The following GABRA3 variants were observed in gnomAD, a reference collection of about 807,000 sequenced individuals.
GABRA3 encodes gamma-aminobutyric acid receptor subunit alpha-3.
In GABRA3, 10 loss-of-function variants were observed where a neutral mutation model predicts 30.1. The observed-to-expected ratio is 0.33, with a 90% CI of 0.20 to 0.56. The LOEUF (loss-of-function observed/expected upper bound fraction) is 0.56, where lower values mean the gene tolerates loss of function less well. Among genes scored for constraint, GABRA3 ranks in the 20% least tolerant of loss-of-function variants. The pLI is 0.89. For synonymous variants in GABRA3, 151 were observed against 146.8 expected, an observed-to-expected ratio of 1.03 and a Z score of -0.21; for missense variants, 233 against 392.0, an observed-to-expected ratio of 0.59 and a Z score of 3.42.
At chrX:152,402,133 T>C (rs1043119254) in intron 1 of GABRA3, among the ~76,000 whole-genome samples, 1 of 112,078 alleles carries the variant, frequency 8.9e-6, no homozygotes, top group African/African-American at 3.2e-5. Context: ...TATGTCCAAA[T>C]GAAGAAACAC....
chrX:152,301,945 G>A (rs931543687), intron 3 of GABRA3, among the ~76,000 whole-genome samples: 2 of 111,660 alleles, frequency 1.8e-5, no homozygotes, highest in South Asian at 7.6e-4. Flanking sequence ...ACTGGAAGTG[G>A]AATGATGTAA....
At chrX:152,217,937 T>C (rs1937759178) in intron 6 of GABRA3, among the ~76,000 whole-genome samples, 1 of 109,801 alleles carries the variant, frequency 9.1e-6, no homozygotes, top group Non-Finnish European at 1.9e-5. Context: ...TTTATTTTCT[T>C]TAATTTTTAA....
chrX:152,288,260 C>T (rs1193368117), intron 3 of GABRA3, among the ~76,000 whole-genome samples: 1 of 111,751 alleles, frequency 8.9e-6, no homozygotes, highest in Non-Finnish European at 1.9e-5. Context: ...GCTAAGAAAT[C>T]GGGCTGTCTT....
chrX:152,332,367 C>A (rs901874972), intron 3 of GABRA3, among the ~76,000 whole-genome samples: 1 of 111,637 alleles, frequency 9.0e-6, no homozygotes, highest in East Asian at 2.8e-4. Context: ...TCAAAAAAAG[C>A]TATGCTAAGA....
intron 4 of GABRA3, among the ~76,000 whole-genome samples, chrX:152,273,872 G>A (rs1264568249): frequency 9.0e-6 from 1 of 110,823 alleles, no homozygotes; most frequent in Non-Finnish European, 1.9e-5. Context: ...TGGTAAAGAT[G>A]GTAAAGTGTA....
At chrX:152,354,861 A>C (rs757534369) in intron 2 of GABRA3, among the ~76,000 whole-genome samples, 1 of 111,697 alleles carries the variant, frequency 9.0e-6, no homozygotes, top group Admixed American at 9.5e-5. Flanking sequence ...CTGAAATTTT[A>C]AGATTTGATG....
chrX:152,263,143 G>A (rs761872980), intron 4 of GABRA3, among the ~76,000 whole-genome samples: 3 of 110,499 alleles, frequency 2.7e-5, no homozygotes, highest in Non-Finnish European at 5.7e-5. Context: ...ACCTCCAACC[G>A]GGTCCCTTCT....
intron 7 of GABRA3, among the ~76,000 whole-genome samples, chrX:152,198,241 G>T (rs1937413767): frequency 8.9e-6 from 1 of 111,910 alleles, no homozygotes; most frequent in South Asian, 3.7e-4. Flanking sequence ...TACACAGCTA[G>T]TAATTAGTAA....
chrX:152,287,853 C>A (rs1410006860), intron 3 of GABRA3, among the ~76,000 whole-genome samples: 1 of 110,023 alleles, frequency 9.1e-6, no homozygotes, highest in Non-Finnish European at 1.9e-5. Flanking sequence ...TCTTACCTGC[C>A]AGACTCTTTC....
chrX:152,330,426 A>G (rs1940144665), intron 3 of GABRA3, among the ~76,000 whole-genome samples: 1 of 112,130 alleles, frequency 8.9e-6, no homozygotes, highest in Non-Finnish European at 1.9e-5. Context: ...ACTATTCACA[A>G]TAGCAAAGAC....
chrX:152,273,579 T>C (rs959628922), intron 4 of GABRA3, among the ~76,000 whole-genome samples: 1 of 112,493 alleles, frequency 8.9e-6, no homozygotes, highest in African/African-American at 3.2e-5. Context: ...AAATACGGTA[T>C]GTATATGTAA....
At chrX:152,246,576 G>A in intron 5 of GABRA3, among the ~76,000 whole-genome samples, 1 of 111,480 alleles carries the variant, frequency 9.0e-6, no homozygotes, top group East Asian at 2.8e-4. Context: ...TGAATGATGT[G>A]CCCTGTCTTT....
intron 7 of GABRA3, among the ~76,000 whole-genome samples, chrX:152,200,150 G>C (rs757048438): frequency 2.7e-5 from 3 of 111,914 alleles, no homozygotes; most frequent in South Asian, 3.7e-4. Context: ...AAGAGTAAAA[G>C]CCAGATTCCC....
chrX:152,302,508 C>A (rs1368803155), intron 3 of GABRA3, among the ~76,000 whole-genome samples: 1 of 110,661 alleles, frequency 9.0e-6, no homozygotes, highest in African/African-American at 3.3e-5. Flanking sequence ...GGGGATGGGA[C>A]CCAAATCTAA....
At chrX:152,248,856 G>C (rs1292201618) in intron 5 of GABRA3, among the ~76,000 whole-genome samples, 1 of 111,622 alleles carries the variant, frequency 9.0e-6, no homozygotes, top group Non-Finnish European at 1.9e-5. Flanking sequence ...AACTATGTGA[G>C]GTAATGCATT....
intron 1 of GABRA3, among the ~76,000 whole-genome samples, chrX:152,431,146 G>C (rs191402330): frequency 8.8e-4 from 98 of 111,675 alleles, no homozygotes; most frequent in African/African-American, 3.1e-3. Context: ...AATAATTTCA[G>C]ATTTCCTAGC....
In GABRA3 at chrX:152,212,339, T is replaced by G. The variant is rs748254992; in HGVS notation, c.635-4195A>C. On this transcript the variant is annotated intron_variant, in intron 6 of 9. Transcript: ENST00000370314. Reference sequence around the variant, plus strand: ...AAAAAAAAAAAAAAAAAATTCCAAATTGCCTACCCTAAGAACTAAGGGTTT... The same window carrying G: ...AAAAAAAAAAAAAAAAAATTCCAAAGTGCCTACCCTAAGAACTAAGGGTTT... Among the ~76,000 whole-genome samples, 45 of 73,034 alleles carry G rather than the reference T, an allele frequency of 6.2e-4. 1 individual carries two copies. Among genetic ancestry groups the G allele is most frequent in the African/African-American group, 2.4e-3 (43 of 17,980 alleles). 63.4% of individuals were successfully genotyped at this position (73,034 alleles called of 115,157 possible). A position where few individuals can be genotyped will look rare whatever the true frequency, so the allele number is the denominator to read the frequency against.
chrX:152,236,596 T>A (rs1298275174), intron 5 of GABRA3, among the ~76,000 whole-genome samples: 1 of 104,883 alleles, frequency 9.5e-6, no homozygotes, highest in Non-Finnish European at 2.0e-5. Context: ...GTTGAACTAG[T>A]TTACAGTCCC....
At chrX:152,290,676 G>C (rs746186166) in intron 3 of GABRA3, among the ~76,000 whole-genome samples, 1 of 111,732 alleles carries the variant, frequency 8.9e-6, no homozygotes, top group South Asian at 3.7e-4. Flanking sequence ...ATTCAATCTT[G>C]AATTAATTTT....
Sources: allele counts gnomAD v4.1 joint callset (sites outside exome capture counted in the v4.1 genomes callset), GRCh38; gene constraint gnomAD v4.1.1; transcripts MANE v1.5; gene names NCBI Gene and HGNC (gene_info 2026-07-23, HGNC 2026-07-21).